Variants in HMGXB3 observed in about 807,000 individuals in gnomAD.
HMGXB3 encodes the protein HMG domain-containing protein 3.
HMGXB3 carries 45 observed loss-of-function variants against 121.5 expected under a neutral mutation model. The observed-to-expected ratio is 0.37, with a 90% CI of 0.29 to 0.47. The LOEUF (loss-of-function observed/expected upper bound fraction) is 0.47, where lower values mean the gene tolerates loss of function less well. Among genes scored for constraint, HMGXB3 ranks in the 20% least tolerant of loss-of-function variants. The pLI, the probability that HMGXB3 is intolerant of heterozygous loss-of-function variation, is 0.99. For synonymous variants in HMGXB3, 590 were observed against 624.1 expected, an observed-to-expected ratio of 0.95 and a Z score of 0.81; for missense variants, 1,376 against 1,602.2, an observed-to-expected ratio of 0.86 and a Z score of 2.41.
At position 150,052,316 on chromosome 5, in the gene HMGXB3, C is replaced by G; in HGVS notation, c.*124C>G. On this transcript the variant is annotated 3_prime_UTR_variant, in exon 20 of 20. Coordinates refer to ENST00000502717, the MANE Select transcript of HMGXB3 (RefSeq NM_014983.3). Reference sequence around the variant, plus strand: ...TGGGGAGGGCCTCTGACTGCTGGGACTGACCAAAGAGCTTCCATTCCCTGA... The same window carrying G: ...TGGGGAGGGCCTCTGACTGCTGGGAGTGACCAAAGAGCTTCCATTCCCTGA... The G allele has an allele frequency of 1.3e-6, 1 of 751,482 alleles. No homozygotes were observed. The highest frequency in any genetic ancestry group is 2.1e-6 in the Non-Finnish European group (1 of 471,028). The allele number at this position is 751,482 out of a possible 1,614,324, so 46.6% of individuals were successfully genotyped here.
intron 13 of HMGXB3, among the ~76,000 whole-genome samples, chr5:150,039,892 A>G (rs568946572): frequency 6.6e-6 from 1 of 152,330 alleles, no homozygotes; most frequent in South Asian, 2.1e-4. Flanking sequence ...AGATTAGTGC[A>G]TTATGTTTTG....
At chr5:150,048,294 T>G (rs141993582) in intron 17 of HMGXB3, among the ~76,000 whole-genome samples, 138 of 152,332 alleles carry the variant, frequency 9.1e-4, no homozygotes, top group African/African-American at 3.2e-3. Flanking sequence ...CCTTTGATGG[T>G]TTCTTTGCCC....
intron 18 of HMGXB3, among the ~76,000 whole-genome samples, chr5:150,050,024 G>C (rs1016674191): frequency 6.6e-6 from 1 of 152,184 alleles, no homozygotes; most frequent in African/African-American, 2.4e-5. Flanking sequence ...CCTAAGTTGA[G>C]GACAGGATGC....
At chr5:150,017,152 G>A (rs554758216) in intron 5 of HMGXB3, among the ~76,000 whole-genome samples, 4 of 152,262 alleles carry the variant, frequency 2.6e-5, no homozygotes, top group South Asian at 2.1e-4. Flanking sequence ...GGACTGAAAC[G>A]TCATCCTTGA....
intron 7 of HMGXB3, among the ~76,000 whole-genome samples, chr5:150,024,951 G>A (rs554504553): frequency 6.6e-6 from 1 of 152,304 alleles, no homozygotes; most frequent in East Asian, 1.9e-4. Flanking sequence ...GCTCTGGGCA[G>A]TATTAAAACT....
intron 9 of HMGXB3, 142 bp downstream of exon 9, chr5:150,027,259 G>T: frequency 1.8e-6 from 1 of 563,902 alleles, no homozygotes. Flanking sequence ...TGATTTATCT[G>T]TTTTTTAAGT....
rs1326791073 is a variant in HMGXB3, at chr5:150,024,567, G to T, written c.1347G>T (p.Gln449His). The T allele has an allele frequency of 1.9e-6, 3 of 1,551,634 alleles. No homozygotes were observed. The highest frequency in any genetic ancestry group is 2.6e-6 in the Non-Finnish European group (3 of 1,147,016). The change falls in exon 7 of 20, where the codon CAG (glutamine) becomes CAT (histidine). Residue 449 changes from glutamine to histidine, a missense_variant. This residue lies in a region of HMGXB3 where 1,116 missense variants were observed against 1,369.0 expected (regional missense o/e 0.82). Transcript: ENST00000502717. ...CGCCAGTCGTCAAAAGTGGTGTGCA[G>T]CCTGAGGTCACTCTGGGGACAACTG... Reference protein sequence around the residue: ...TKTPVVKSGVQPEVTLGTTDN... With the variant: ...TKTPVVKSGVHPEVTLGTTDN...
intron 13 of HMGXB3, among the ~76,000 whole-genome samples, chr5:150,039,584 TG>T (rs1756578654): frequency 6.6e-6 from 1 of 152,174 alleles, no homozygotes. Flanking sequence ...TGATCCTTTA[TG>T]GGTTTTTTTC....
intron 10 of HMGXB3, among the ~76,000 whole-genome samples, chr5:150,031,301 C>G (rs182764082): frequency 6.6e-6 from 1 of 152,376 alleles, no homozygotes; most frequent in East Asian, 1.9e-4. Context: ...GTGTTTCCCA[C>G]AGGGTTTTCC....
chr5:150,016,665 A>G (rs1055561604), intron 5 of HMGXB3, among the ~76,000 whole-genome samples: 1 of 152,160 alleles, frequency 6.6e-6, no homozygotes, highest in Non-Finnish European at 1.5e-5. Flanking sequence ...CTTTGTGTAG[A>G]TAGCATATAG....
intron 16 of HMGXB3, among the ~76,000 whole-genome samples, chr5:150,046,913 T>A (rs985815261): frequency 5.4e-5 from 8 of 148,374 alleles, no homozygotes; most frequent in Non-Finnish European, 1.0e-4. Flanking sequence ...TGAGACGGAG[T>A]CCTGCTCTGT....
Position 150,032,403 on chromosome 5 carries a change from C to T in HMGXB3, c.1834-51C>T. ...TGCTCATTCTGGTTCTGGGTTCTGC[C>T]CAGGTTTAACTTAATTTTTGTAGAA... On this transcript the variant is annotated intron_variant, in intron 10 of 19. Transcript: ENST00000502717. 8 of 1,522,270 alleles carry T rather than the reference C, an allele frequency of 5.3e-6. 1 individual carries two copies. Among genetic ancestry groups the T allele is most frequent in the African/African-American group, 1.4e-5 (1 of 72,542 alleles). The allele number at this position is 1,522,270 out of a possible 1,614,324, so 94.3% of individuals were successfully genotyped here. A position where few individuals can be genotyped will look rare whatever the true frequency, so the allele number is the denominator to read the frequency against.
chr5:150,045,498 G>A lies in HMGXB3; in HGVS notation c.2763G>A (p.Glu921=). ...FTWPEFLGSN[E]VNVEDFWATM... is the part of the protein sequence containing the mutation. ...GGCCTGAATTCCTGGGCTCTAATGA[G>A]GTAAATGTGGAGGACTTTTGGGCCA... Residue 921 remains glutamate, a synonymous_variant, in exon 16 of 20, where the codon GAG becomes GAA. Transcript: ENST00000502717. 6.4e-7 allele frequency: 1 copy of A among 1,552,306 alleles called. No individual in the cohort carries two copies. Among genetic ancestry groups the A allele is most frequent in the Non-Finnish European group, 8.7e-7 (1 of 1,147,128 alleles).
At chr5:150,049,213 C>T (rs1419272022) in intron 18 of HMGXB3, among the ~76,000 whole-genome samples, 1 of 152,080 alleles carries the variant, frequency 6.6e-6, no homozygotes, top group Non-Finnish European at 1.5e-5. Context: ...TTGGAGGGCT[C>T]CCCCGGGGGG....
At chr5:150,014,501 G>C (rs1755918054) in intron 5 of HMGXB3, among the ~76,000 whole-genome samples, 1 of 152,206 alleles carries the variant, frequency 6.6e-6, no homozygotes, top group South Asian at 2.1e-4. Flanking sequence ...AAACCACTGT[G>C]TAGTTATTCC....
At position 150,006,626 on chromosome 5, in the gene HMGXB3, A is replaced by G; in HGVS notation, c.291A>G (p.Leu97=). Residue 97 remains leucine (L), a synonymous_variant, in exon 3 of 20, where the codon CTA becomes CTG. Transcript: ENST00000502717. The part of the protein sequence containing the change: ...ERSYYLEKAK[L]EKEGLDPNSK... The stretch of plus-strand genomic sequence containing the variant: ...GTTACTACTTGGAGAAAGCCAAACT[A>G]GAGAAGGAAGGTTTGGATCCTGTAA... The G allele has an allele frequency of 6.4e-7, 1 of 1,552,278 alleles. No individual in the cohort carries two copies. The highest frequency in any genetic ancestry group is 8.7e-7 in the Non-Finnish European group (1 of 1,147,100).
rs564999982 is a variant in HMGXB3 at position 150,040,660 on chromosome 5, G to A, written c.2414-88G>A. The A allele has an allele frequency of 3.8e-5, 53 of 1,378,906 alleles. No homozygotes were observed. In the South Asian group the frequency reaches 5.2e-4, roughly 13 times the overall value. The allele number at this position is 1,378,906 out of a possible 1,614,324, so 85.4% of individuals were successfully genotyped here. ...CCCAAGTGCCTGCAACTACAGGCACGTGCCACCGCACCCAGCTGGTGTGTA... is the reference window on the plus strand; with the variant it reads ...CCCAAGTGCCTGCAACTACAGGCACATGCCACCGCACCCAGCTGGTGTGTA... On this transcript the variant is annotated intron_variant, in intron 13 of 19. Transcript: ENST00000502717.
At chr5:150,004,686 CTT>C (rs570123252) in intron 1 of HMGXB3, among the ~76,000 whole-genome samples, 163 bp from the exon 2 acceptor site, 78 of 152,318 alleles carry the variant, frequency 5.1e-4, no homozygotes, top group African/African-American at 1.7e-3. Context: ...GCTCTGGAAT[CTT>C]GTGTGTTAAA....
At chr5:150,006,896 T>C (rs1284255913) in intron 3 of HMGXB3, among the ~76,000 whole-genome samples, 1 of 152,240 alleles carries the variant, frequency 6.6e-6, no homozygotes, top group Non-Finnish European at 1.5e-5. Context: ...GTTCCTTTTC[T>C]AAATTTTAGT....
Sources: allele counts gnomAD v4.1 joint callset (sites outside exome capture counted in the v4.1 genomes callset), GRCh38; gene constraint gnomAD v4.1.1; regional missense constraint gnomAD v4.1.1; transcripts MANE v1.5; gene names NCBI Gene and HGNC (gene_info 2026-07-23, HGNC 2026-07-21).